Variants in MAGI2 observed in about 807,000 individuals in gnomAD.
MAGI2 encodes the protein membrane-associated guanylate kinase, WW and PDZ domain-containing protein 2.
A neutral mutation model predicts 133.3 loss-of-function variants in MAGI2; 35 were observed. That is an observed-to-expected ratio of 0.26 (90% CI 0.20 to 0.35). The LOEUF is 0.35. Among genes scored for constraint, MAGI2 ranks in the 10% least tolerant of loss-of-function variants. The pLI is 1.00. For missense variants in MAGI2, 1,636 were observed against 1,863.4 expected (o/e 0.88, Z 2.25); for synonymous variants, 729 against 710.6 (o/e 1.03, Z -0.41).
At chr7:78,364,005 A>C (rs1793115847) in intron 7 of MAGI2, among the ~76,000 whole-genome samples, 3 of 150,578 alleles carry the variant, frequency 2.0e-5, no homozygotes, top group African/African-American at 4.9e-5. Context: ...CCCCTTCCTC[A>C]TTTCTTTCTC....
rs564300937 is a variant in MAGI2 at position 78,762,240 on chromosome 7, T to A, written c.419-135001A>T. 2.4e-3 allele frequency among the ~76,000 whole-genome samples: 359 copies of A among 151,206 alleles called. 2 individuals carry two copies. Among genetic ancestry groups the A allele is most frequent in the Non-Finnish European group, 4.3e-3 (290 of 67,794 alleles). On this transcript the variant is annotated intron_variant, in intron 2 of 21. Transcript: ENST00000354212. ...AGGCAGATCACCTGGGGTCAGGAGTTCAAGACCATCCTGGCTAACATGGTA... is the reference window on the plus strand; with the variant it reads ...AGGCAGATCACCTGGGGTCAGGAGTACAAGACCATCCTGGCTAACATGGTA...
At chr7:78,452,309 T>C (rs1321818698) in intron 6 of MAGI2, among the ~76,000 whole-genome samples, 1 of 152,008 alleles carries the variant, frequency 6.6e-6, no homozygotes, top group African/African-American at 2.4e-5. Context: ...GAAATGGTAC[T>C]CTCTCCCTGA....
At chr7:78,308,052 G>C (rs1798387859) in intron 9 of MAGI2, among the ~76,000 whole-genome samples, 1 of 152,196 alleles carries the variant, frequency 6.6e-6, no homozygotes, top group Admixed American at 6.5e-5. Flanking sequence ...CTGAATCAAA[G>C]AGAACCAAGC....
intron 2 of MAGI2, among the ~76,000 whole-genome samples, chr7:78,801,956 A>G (rs992466764): frequency 6.6e-6 from 1 of 152,184 alleles, no homozygotes; most frequent in African/African-American, 2.4e-5. Context: ...CACTGAGGTG[A>G]GCAGAGAATA....
chr7:78,925,567 ATTGCCTTTTTAGC>A lies in MAGI2; in HGVS notation c.418+81510_418+81522del, dbSNP rs556763932. 3.4e-3 allele frequency among the ~76,000 whole-genome samples: 519 copies of A among 152,140 alleles called. 1 individual carries two copies. Among genetic ancestry groups the A allele is most frequent in the African/African-American group, 0.012 (503 of 41,542 alleles). ...AAACCATATGCATGCTAAGATATTA[ATTGCCTTTTTAGC>A]TTTTATAAAAATGGAATTTTCCAGA... On this transcript the variant is annotated intron_variant, in intron 2 of 21. Transcript: ENST00000354212.
intron 2 of MAGI2, among the ~76,000 whole-genome samples, chr7:78,869,449 C>T (rs1794848280): frequency 6.6e-6 from 1 of 152,094 alleles, no homozygotes; most frequent in Non-Finnish European, 1.5e-5. Context: ...TGATGCCTTG[C>T]CAATTATCCC....
At chr7:78,655,242 A>C (rs1275931678) in intron 2 of MAGI2, among the ~76,000 whole-genome samples, 1 of 151,870 alleles carries the variant, frequency 6.6e-6, no homozygotes, top group Admixed American at 6.6e-5. Flanking sequence ...AAAACCTGGA[A>C]AATTCTCCTT....
chr7:78,514,353 A>G (rs1466407053), intron 4 of MAGI2, among the ~76,000 whole-genome samples: 5 of 151,968 alleles, frequency 3.3e-5, no homozygotes, highest in Non-Finnish European at 5.9e-5. Flanking sequence ...CTTTTTAATT[A>G]CACCTAGACA....
chr7:79,061,131 C>G (rs1160084266), intron 1 of MAGI2, among the ~76,000 whole-genome samples: 1 of 151,938 alleles, frequency 6.6e-6, no homozygotes, highest in Non-Finnish European at 1.5e-5. Context: ...CAAGTACTAA[C>G]CTTACATTTT....
chr7:78,051,884 CTTTT>C (rs59919639), intron 21 of MAGI2, among the ~76,000 whole-genome samples: 1 of 125,806 alleles, frequency 7.9e-6, no homozygotes, highest in African/African-American at 3.2e-5. Flanking sequence ...CATACCCAGC[CTTTT>C]TTTTTTTTTT....
chr7:79,245,738 C>T (rs1832773227), intron 1 of MAGI2, among the ~76,000 whole-genome samples: 1 of 152,174 alleles, frequency 6.6e-6, no homozygotes, highest in Non-Finnish European at 1.5e-5. Context: ...ATGAGCCTGT[C>T]AGGCTTCACT....
intron 3 of MAGI2, among the ~76,000 whole-genome samples, chr7:78,607,639 T>C (rs1018289418): frequency 6.6e-6 from 1 of 152,196 alleles, no homozygotes; most frequent in East Asian, 1.9e-4. Flanking sequence ...TTTCCTTGAT[T>C]AGTCTTTTCA....
intron 20 of MAGI2, among the ~76,000 whole-genome samples, chr7:78,109,367 T>G (rs1819111914): frequency 9.2e-6 from 1 of 109,030 alleles, no homozygotes; most frequent in African/African-American, 3.3e-5. Flanking sequence ...ATCCTGTGGC[T>G]CACGCCTGTA....
chr7:78,476,733 G>T lies in MAGI2; in HGVS notation c.1045+13028C>A, dbSNP rs905871476. Among the ~76,000 whole-genome samples the T allele has an allele frequency of 2.6e-5, 4 of 151,990 alleles. No homozygotes were observed. In the East Asian group the frequency reaches 7.8e-4, roughly 30 times the overall value. ...TAAGCTGTTGGAAAGATAATTCCTG[G>T]TAGATATGGGTCTTTAACAGTAACA... On this transcript the variant is annotated intron_variant, in intron 6 of 21. Coordinates refer to ENST00000354212, the MANE Select transcript of MAGI2 (RefSeq NM_012301.4).
At chr7:79,329,017 A>G (rs1839887042) in intron 1 of MAGI2, among the ~76,000 whole-genome samples, 1 of 152,210 alleles carries the variant, frequency 6.6e-6, no homozygotes, top group African/African-American at 2.4e-5. Flanking sequence ...TCTAAGGGTG[A>G]AACCCAGCAA....
At chr7:78,735,139 T>A (rs1187186216) in intron 2 of MAGI2, among the ~76,000 whole-genome samples, 1 of 152,218 alleles carries the variant, frequency 6.6e-6, no homozygotes, top group African/African-American at 2.4e-5. Flanking sequence ...TATCTTTCCA[T>A]GTGTGTACAG....
At chr7:78,818,816 G>A (rs976354497) in intron 2 of MAGI2, among the ~76,000 whole-genome samples, 2 of 151,918 alleles carry the variant, frequency 1.3e-5, no homozygotes, top group Admixed American at 6.6e-5. Context: ...CACCTTCTTG[G>A]AAGTTCTGTT....
chr7:79,261,479 C>T (rs1175650732), intron 1 of MAGI2, among the ~76,000 whole-genome samples: 3 of 152,164 alleles, frequency 2.0e-5, no homozygotes, highest in African/African-American at 7.2e-5. Context: ...GACGTCAAAT[C>T]CACTTCCTCA....
intron 20 of MAGI2, among the ~76,000 whole-genome samples, chr7:78,092,578 C>T (rs1459770688): frequency 1.3e-5 from 2 of 152,080 alleles, no homozygotes; most frequent in East Asian, 1.9e-4. Context: ...AGATAATATT[C>T]CTTAGGAGTA....
Sources: gnomAD v4.1 joint callset for allele counts (sites outside exome capture counted in the v4.1 genomes callset) on GRCh38, gnomAD v4.1.1 for gene constraint, MANE v1.5 for transcripts, NCBI Gene and HGNC (gene_info 2026-07-23, HGNC 2026-07-21) for gene names.